The following ZBTB40 variants were observed in gnomAD, a reference collection of about 807,000 sequenced individuals.
ZBTB40 encodes the protein zinc finger and BTB domain containing 40.
ZBTB40 carries 60 observed loss-of-function variants against 117.5 expected under a neutral mutation model. The observed-to-expected ratio is 0.51, with a 90% CI of 0.41 to 0.63. The LOEUF is 0.63. Ranked by LOEUF, ZBTB40 falls within the 30% of genes least tolerant of loss-of-function variation. The pLI is 0.00. For synonymous variants in ZBTB40, 525 were observed against 577.1 expected (o/e 0.91, Z 1.29); for missense variants, 1,287 against 1,498.5 (o/e 0.86, Z 2.33).
upstream of ZBTB40, among the ~76,000 whole-genome samples, chr1:22,451,497 TAGC>T (rs1640868170): frequency 1.3e-5 from 2 of 151,390 alleles, no homozygotes; most frequent in South Asian, 4.2e-4. Flanking sequence ...AAAAAAAAAT[TAGC>T]AGGGCGTGGT....
At chr1:22,479,859 A>G (rs1028783010) in intron 1 of ZBTB40, among the ~76,000 whole-genome samples, 5 of 152,132 alleles carry the variant, frequency 3.3e-5, no homozygotes, top group Non-Finnish European at 7.3e-5. Context: ...CATCTAATCT[A>G]TTCATCCATT....
chr1:22,451,206 CAA>C (rs1216113297), upstream of ZBTB40, among the ~76,000 whole-genome samples: 7 of 152,344 alleles, frequency 4.6e-5, no homozygotes, highest in South Asian at 2.1e-4. Flanking sequence ...GCCTGTCCCA[CAA>C]AGAGTGCGGG....
intron 1 of ZBTB40, among the ~76,000 whole-genome samples, chr1:22,434,463 T>G (rs1012113112): frequency 6.6e-6 from 1 of 152,212 alleles, no homozygotes; most frequent in African/African-American, 2.4e-5. Flanking sequence ...AATCTTTTCT[T>G]TTATGGTTTT....
chr1:22,466,508 C>T (rs1352061387), intron 1 of ZBTB40, among the ~76,000 whole-genome samples: 1 of 152,068 alleles, frequency 6.6e-6, no homozygotes, highest in Admixed American at 6.5e-5. Context: ...CCAGCAATTC[C>T]GTGAGGGTTC....
At chr1:22,512,255 G>A in intron 11 of ZBTB40, 121 bp downstream of exon 11, 2 of 1,108,620 alleles carry the variant, frequency 1.8e-6, no homozygotes, top group South Asian at 2.7e-5. Flanking sequence ...AATAGAGCAG[G>A]TTCCTACAGA....
At chr1:22,495,704 G>A (rs549283814) in intron 3 of ZBTB40, among the ~76,000 whole-genome samples, 1 of 152,186 alleles carries the variant, frequency 6.6e-6, no homozygotes, top group African/African-American at 2.4e-5. Flanking sequence ...TAGAGACGGG[G>A]TTTCACCATA....
rs533852454 is a variant in ZBTB40 at position 22,445,633 on chromosome 1, G to A, written c.-70+16619G>A. Among the ~76,000 whole-genome samples, 8 of 152,198 alleles carry A rather than the reference G, an allele frequency of 5.3e-5. No homozygotes were observed. In the South Asian group the frequency reaches 8.3e-4, roughly 16 times the overall value. On this transcript the variant is annotated intron_variant, in intron 1 of 8. Coordinates refer to the ZBTB40 transcript ENST00000650433. ...AGCACTTTGAGAGGCCAAGGTGGGC[G>A]GATCATGAGGTCAGGAGTTCAAGAC...
At chr1:22,436,070 T>C (rs1640666384) in intron 1 of ZBTB40, among the ~76,000 whole-genome samples, 2 of 152,180 alleles carry the variant, frequency 1.3e-5, no homozygotes, top group African/African-American at 4.8e-5. Flanking sequence ...GTATAAATGA[T>C]ACAACCACTT....
chr1:22,433,439 A>AAAAACAAAAACAAAAAC (rs1557469766), intron 1 of ZBTB40, among the ~76,000 whole-genome samples: 3 of 83,724 alleles, frequency 3.6e-5, no homozygotes, highest in Admixed American at 1.4e-4. Context: ...TCTCAAAAAA[A>AAAAACAAAAACAAAAAC]AAAAAAAAAA....
At position 22,526,418 on chromosome 1, in the gene ZBTB40, C is replaced by T. The variant is rs1261865904; in HGVS notation, c.*22C>T. 2 of 1,613,152 alleles carry T rather than the reference C, an allele frequency of 1.2e-6. No homozygotes were observed. Among genetic ancestry groups the T allele is most frequent in the African/African-American group, 1.3e-5 (1 of 74,922 alleles). On this transcript the variant is annotated 3_prime_UTR_variant, in exon 18 of 18. Transcript: ENST00000375647. ...ATGAGCAGCCTTTCATCCGGCAGAG[C>T]CTTCCTGCGTTTGCAGCAGAGAGGA...
rs1639753168 is a variant in ZBTB40 at position 22,528,836 on chromosome 1, A to G, written c.*2440A>G. The G allele has an allele frequency of 1.3e-5, 2 of 152,028 alleles. No homozygotes were observed. The highest frequency in any genetic ancestry group is 4.8e-5 in the African/African-American group (2 of 41,358). The allele number at this position is 152,028 out of a possible 1,614,324, so 9.4% of individuals were successfully genotyped here. ...CAGACATGAGCCACTACGCCTGGCC[A>G]GGTTTCTGTTGGAGACCCAGATTGT... On this transcript the variant is annotated 3_prime_UTR_variant, in exon 18 of 18. Transcript: ENST00000375647.
At chr1:22,442,708 T>C (rs1156281222) in intron 1 of ZBTB40, among the ~76,000 whole-genome samples, 1 of 152,132 alleles carries the variant, frequency 6.6e-6, no homozygotes, top group Non-Finnish European at 1.5e-5. Flanking sequence ...GTATTCAGGG[T>C]AAGGGTCAGC....
At chr1:22,494,501 C>T (rs1638722114) in intron 3 of ZBTB40, among the ~76,000 whole-genome samples, 1 of 152,162 alleles carries the variant, frequency 6.6e-6, no homozygotes, top group Admixed American at 6.6e-5. Context: ...TGTGTTAGAA[C>T]TTGAGAATCT....
At chr1:22,500,855 C>T (rs1178175420) in intron 3 of ZBTB40, among the ~76,000 whole-genome samples, 2 of 152,082 alleles carry the variant, frequency 1.3e-5, no homozygotes, top group East Asian at 1.9e-4. Flanking sequence ...TAATAAGGCC[C>T]GTGTCTTTTT....
chr1:22,492,030 A>G (rs994461256), intron 3 of ZBTB40, among the ~76,000 whole-genome samples: 1 of 152,244 alleles, frequency 6.6e-6, no homozygotes, highest in Non-Finnish European at 1.5e-5. Context: ...CACTTCCTGT[A>G]TTAAGCTTGG....
intron 1 of ZBTB40, among the ~76,000 whole-genome samples, chr1:22,446,279 T>C (rs78263720): frequency 0.03 from 4,403 of 148,628 alleles, 83 homozygotes; most frequent in Middle Eastern, 0.046. Flanking sequence ...GTCCTAGAAC[T>C]GTGAGACAAC....
intron 1 of ZBTB40, among the ~76,000 whole-genome samples, chr1:22,439,797 A>G (rs570956821): frequency 6.6e-6 from 1 of 152,274 alleles, no homozygotes; most frequent in South Asian, 2.1e-4. Flanking sequence ...CTTTTTTAAG[A>G]TTGTTTTGGC....
At chr1:22,520,318 CCTACT>C in intron 14 of ZBTB40, 43 bp downstream of exon 14, 1 of 1,524,220 alleles carries the variant, frequency 6.6e-7, no homozygotes, top group Non-Finnish European at 9.0e-7. Context: ...TCACCCCTGA[CCTACT>C]CTCCATTTGA....
intron 1 of ZBTB40, chr1:22,452,658 G>A (rs986489062): frequency 2.0e-5 from 3 of 152,308 alleles, no homozygotes; most frequent in Non-Finnish European, 4.4e-5. Context: ...GTCCCTTACA[G>A]CAAAAGTTTA....
Sources: allele counts gnomAD v4.1 joint callset (sites outside exome capture counted in the v4.1 genomes callset), GRCh38; gene constraint gnomAD v4.1.1; transcripts MANE v1.5; gene names NCBI Gene and HGNC (gene_info 2026-07-23, HGNC 2026-07-21).